The following ESPN variants were observed in gnomAD, a reference collection of about 807,000 sequenced individuals.
ESPN encodes the protein espin, also known as autosomal recessive deafness type 36 protein.
In ESPN, 68 loss-of-function variants were observed where a neutral mutation model predicts 77.7. The ratio of observed to expected loss-of-function variants is 0.87; its 90% CI spans 0.72 to 1.07. The LOEUF is 1.07. Among genes scored for constraint, ESPN ranks in the 50% least tolerant of loss-of-function variants. The pLI, the probability that ESPN is intolerant of heterozygous loss-of-function variation, is 0.00. For missense variants in ESPN, 1,060 were observed against 1,239.0 expected, an observed-to-expected ratio of 0.86 and a Z score of 2.17; for synonymous variants, 449 against 567.1, an observed-to-expected ratio of 0.79 and a Z score of 2.96.
intron 2 of ESPN, among the ~76,000 whole-genome samples, chr1:6,433,530 G>A (rs1006318048): frequency 4.6e-5 from 7 of 151,294 alleles, no homozygotes; most frequent in African/African-American, 2.4e-5. Flanking sequence ...TCACTTGAAC[G>A]CAGGAGGCAG....
intron 2 of ESPN, among the ~76,000 whole-genome samples, chr1:6,431,653 A>G (rs34713319): frequency 1.4e-5 from 2 of 147,330 alleles, no homozygotes; most frequent in Admixed American, 1.3e-4. Flanking sequence ...AAAAAAAAAA[A>G]GGAACGAACG....
chr1:6,456,308 G>A (rs1269614155), intron 10 of ESPN: 1 of 387,904 alleles, frequency 2.6e-6, no homozygotes, highest in Admixed American at 4.5e-5. Context: ...CAGGACTGTG[G>A]CCTTGAGCAG....
intron 12 of ESPN, 104 bp downstream of exon 12, chr1:6,457,476 G>A: frequency 7.2e-7 from 1 of 1,383,904 alleles, no homozygotes; most frequent in East Asian, 2.3e-5. Flanking sequence ...CTGTCTCTTG[G>A]CCCTTGTAGC....
chr1:6,452,897 A>T (rs1181302569), intron 10 of ESPN, among the ~76,000 whole-genome samples: 2 of 138,724 alleles, frequency 1.4e-5, no homozygotes, highest in African/African-American at 6.8e-5. Context: ...ATTTATTTTT[A>T]TTTTTTATTT....
chr1:6,454,208 A>C (rs796534588), intron 10 of ESPN, among the ~76,000 whole-genome samples: 3 of 152,056 alleles, frequency 2.0e-5, no homozygotes, highest in African/African-American at 7.2e-5. Flanking sequence ...GCCGTGCCCC[A>C]CGCCACCGAC....
At chr1:6,432,360 T>A (rs1189594115) in intron 2 of ESPN, among the ~76,000 whole-genome samples, 3 of 152,196 alleles carry the variant, frequency 2.0e-5, no homozygotes, top group Admixed American at 1.3e-4. Context: ...CCTTGGTGTC[T>A]GTCAGTTCAC....
intron 10 of ESPN, 115 bp downstream of exon 10, chr1:6,452,211 TTTTC>T: frequency 1.1e-5 from 14 of 1,268,050 alleles, no homozygotes; most frequent in Non-Finnish European, 1.5e-5. Flanking sequence ...TCTTTTTTTT[TTTTC>T]TTTTCTTGAG....
intron 2 of ESPN, among the ~76,000 whole-genome samples, chr1:6,434,028 G>C (rs751381326): frequency 6.6e-6 from 1 of 152,200 alleles, no homozygotes; most frequent in Non-Finnish European, 1.5e-5. Context: ...AGCCTACCGA[G>C]TAGCTGGGAT....
intron 2 of ESPN, among the ~76,000 whole-genome samples, chr1:6,435,753 C>T (rs1421506837): frequency 2.6e-5 from 4 of 152,226 alleles, no homozygotes; most frequent in Non-Finnish European, 2.9e-5. Flanking sequence ...AGGACCTGGA[C>T]ACTCCAGGCC....
At chr1:6,434,907 G>A (rs2148511353) in intron 2 of ESPN, among the ~76,000 whole-genome samples, 1 of 152,290 alleles carries the variant, frequency 6.6e-6, no homozygotes, top group South Asian at 2.1e-4. Flanking sequence ...GGGCCTCGCA[G>A]CCCTGCCTTG....
chr1:6,441,344 T>C (rs1326456317), intron 5 of ESPN, among the ~76,000 whole-genome samples: 2 of 152,168 alleles, frequency 1.3e-5, no homozygotes, highest in Admixed American at 6.5e-5. Flanking sequence ...GCAGGCTCAT[T>C]CACCTACCCA....
In ESPN at chr1:6,437,971, T is replaced by G. The variant is rs546608923; in HGVS notation, c.489-2283T>G. On this transcript the variant is annotated intron_variant, in intron 2 of 12. Transcript: ENST00000645284. This position sits in a 1 kb window ranked among gnomAD's most constrained non-coding sequence, Gnocchi z 4.5. ...CAAAGGGGGGTAGCCTGGTGCCCAT[T>G]GATGGGCAGGCAACAAGCGGATGGG... Among the ~76,000 whole-genome samples, 8 of 150,452 alleles carry G rather than the reference T, an allele frequency of 5.3e-5. No homozygotes were observed. Among genetic ancestry groups the G allele is most frequent in the Non-Finnish European group, 1.0e-4 (7 of 67,646 alleles).
downstream of ESPN, chr1:6,461,251 G>A (rs11556816): frequency 1.1e-5 from 9 of 794,422 alleles, no homozygotes; most frequent in Non-Finnish European, 1.8e-5. The surrounding 1 kb of genome is among the most constrained non-coding windows in gnomAD (Gnocchi z 6.3). Flanking sequence ...CTCGACATTC[G>A]TTCGTGCTTC....
At chr1:6,457,112 A>G in intron 10 of ESPN, 72 bp from the exon 11 acceptor site, 4 of 1,428,250 alleles carry the variant, frequency 2.8e-6, no homozygotes, top group Non-Finnish European at 3.9e-6. Context: ...TGACTCCTTC[A>G]GGTCCCGAGG....
At position 6,440,987 on chromosome 1, in the gene ESPN, C is replaced by T. The variant is rs144026978; in HGVS notation, c.912C>T (p.Asp304=). ...CGGAGCTGGACGTCCGCGACCGCGA[C>T]GGGTACACGGCCGCCGACCTGTCGG... ...NGAELDVRDR[D]GYTAADLSDF... Residue 304 remains aspartate, a synonymous_variant, in exon 5 of 13, where the codon GAC becomes GAT. Transcript: ENST00000645284. 8 of 1,607,818 alleles carry T rather than the reference C, an allele frequency of 5.0e-6. No homozygotes were observed. The African/African-American group carries it at 9.4e-5, about 19-fold the overall frequency.
chr1:6,429,121 CAGGTGTT>C (rs1229595970), intron 2 of ESPN, among the ~76,000 whole-genome samples: 1 of 151,442 alleles, frequency 6.6e-6, no homozygotes, highest in Non-Finnish European at 1.5e-5. Context: ...GGGAGGGACT[CAGGTGTT>C]AGGTGCGCCT....
At chr1:6,455,931 C>T (rs1644047439) in intron 10 of ESPN, 1 of 398,872 alleles carries the variant, frequency 2.5e-6, no homozygotes, top group Non-Finnish European at 4.4e-6. Context: ...AGAACAGGAG[C>T]GGACCGAAGA....
At chr1:6,425,367 C>T in intron 1 of ESPN, 118 bp downstream of exon 1, 2 of 1,279,568 alleles carry the variant, frequency 1.6e-6, no homozygotes, top group Non-Finnish European at 2.2e-6. Context: ...CCCAGCTGAA[C>T]CCTGCACGGA....
At chr1:6,456,436 C>G (rs1363602267) in intron 10 of ESPN, 2 of 322,926 alleles carry the variant, frequency 6.2e-6, no homozygotes, top group Non-Finnish European at 1.1e-5. Context: ...GCCTCTGGCC[C>G]CGTGGCCTTG....
Sources: allele counts gnomAD v4.1 joint callset (sites outside exome capture counted in the v4.1 genomes callset), GRCh38; gene constraint gnomAD v4.1.1; non-coding constraint Gnocchi (gnomAD v3.1); transcripts MANE v1.5; gene names NCBI Gene and HGNC (gene_info 2026-07-23, HGNC 2026-07-21).